The following SGCZ variants were observed in gnomAD, a reference collection of about 807,000 sequenced individuals.
SGCZ encodes the protein zeta-sarcoglycan.
A neutral mutation model predicts 41.3 loss-of-function variants in SGCZ; 40 were observed. That is an observed-to-expected ratio of 0.97 (90% CI 0.75 to 1.26). The LOEUF is 1.26. Ranked by LOEUF, SGCZ falls within the 50% of genes most tolerant of loss-of-function variation. The pLI is 0.00. For synonymous variants in SGCZ, 206 were observed against 137.5 expected, an observed-to-expected ratio of 1.50 and a Z score of -3.49; for missense variants, 552 against 369.8, an observed-to-expected ratio of 1.49 and a Z score of -4.04.
chr8:14,821,504 A>G (rs1409939471), intron 1 of SGCZ, among the ~76,000 whole-genome samples: 1 of 152,096 alleles, frequency 6.6e-6, no homozygotes, highest in Non-Finnish European at 1.5e-5. Flanking sequence ...ATGAATAAGG[A>G]AATTAAAAAA....
At chr8:14,456,531 T>C (rs1009102660) in intron 2 of SGCZ, among the ~76,000 whole-genome samples, 1 of 152,126 alleles carries the variant, frequency 6.6e-6, no homozygotes, top group Admixed American at 6.6e-5. Flanking sequence ...AAAACATGCA[T>C]GTATCTGATC....
At chr8:14,901,596 T>C (rs956917084) in intron 1 of SGCZ, among the ~76,000 whole-genome samples, 3 of 152,116 alleles carry the variant, frequency 2.0e-5, no homozygotes, top group Non-Finnish European at 2.9e-5. Context: ...TCACACATTT[T>C]GGGGTGAAAA....
chr8:14,506,346 G>A (rs1259979966), intron 2 of SGCZ, among the ~76,000 whole-genome samples: 1 of 151,958 alleles, frequency 6.6e-6, no homozygotes, highest in Non-Finnish European at 1.5e-5. Context: ...TTGTACATTA[G>A]CTCCCGTTTC....
chr8:14,740,688 G>T (rs1037418373), intron 1 of SGCZ, among the ~76,000 whole-genome samples: 1 of 151,964 alleles, frequency 6.6e-6, no homozygotes, highest in African/African-American at 2.4e-5. Context: ...GATTGCTGGA[G>T]TGCTTATGCC....
At chr8:14,103,601 A>G (rs540756570) in intron 6 of SGCZ, among the ~76,000 whole-genome samples, 288 of 152,156 alleles carry the variant, frequency 1.9e-3, no homozygotes, top group African/African-American at 6.7e-3. Context: ...TAAAAGTGAT[A>G]TGGAAGGAGT....
intron 1 of SGCZ, among the ~76,000 whole-genome samples, chr8:15,159,289 G>A (rs1429934556): frequency 2.0e-5 from 3 of 152,166 alleles, no homozygotes; most frequent in Non-Finnish European, 4.4e-5. Flanking sequence ...TGCCTTAGGT[G>A]ACTCTTCACA....
In SGCZ at chr8:14,648,341, C is replaced by A. The variant is rs537516039; in HGVS notation, c.40-93415G>T. 7.9e-5 allele frequency among the ~76,000 whole-genome samples: 12 copies of A among 152,142 alleles called. No homozygotes were observed. In the South Asian group the frequency reaches 2.5e-3, roughly 31 times the overall value. ...TAGCTTTGTATAAGAAACATGCTTT[C>A]TTCAAATCAAGAAAATTCGTACTCA... is the stretch of plus-strand genomic sequence containing the variant. On this transcript the variant is annotated intron_variant, in intron 1 of 7. Coordinates refer to ENST00000382080, the MANE Select transcript of SGCZ (RefSeq NM_139167.4).
intron 1 of SGCZ, among the ~76,000 whole-genome samples, chr8:14,830,378 T>A (rs7013782): frequency 0.34 from 52,272 of 152,014 alleles, 13,060 homozygotes; most frequent in African/African-American, 0.7. Flanking sequence ...TATCTGTCAA[T>A]ATGTTTTTTA....
intron 1 of SGCZ, among the ~76,000 whole-genome samples, chr8:14,860,721 A>AGAAAGAAAGAAC (rs1239601650): frequency 2.7e-5 from 4 of 146,392 alleles, no homozygotes; most frequent in Non-Finnish European, 6.1e-5. Context: ...AAAGAAAGAA[A>AGAAAGAAAGAAC]GAAAGAAAGA....
intron 7 of SGCZ, among the ~76,000 whole-genome samples, chr8:14,094,297 C>G (rs554909742): frequency 1.3e-5 from 2 of 151,974 alleles, no homozygotes; most frequent in African/African-American, 2.4e-5. Flanking sequence ...CCCTAGCCCC[C>G]CCATGCCAGA....
At chr8:14,286,999 T>G (rs1800658570) in intron 3 of SGCZ, among the ~76,000 whole-genome samples, 1 of 152,036 alleles carries the variant, frequency 6.6e-6, no homozygotes, top group Non-Finnish European at 1.5e-5. Flanking sequence ...CTTGTGCATA[T>G]TAGCCATGTT....
chr8:14,090,785 T>C, intron 7 of SGCZ, 148 bp from the exon 8 acceptor site: 1 of 691,484 alleles, frequency 1.4e-6, no homozygotes. Flanking sequence ...ACAAACAAAT[T>C]ACATTCCTAC....
intron 2 of SGCZ, among the ~76,000 whole-genome samples, chr8:14,505,012 T>C (rs947643476): frequency 6.6e-6 from 1 of 152,058 alleles, no homozygotes; most frequent in Non-Finnish European, 1.5e-5. Flanking sequence ...TTGATACTCC[T>C]AGATATAAAA....
intron 1 of SGCZ, among the ~76,000 whole-genome samples, chr8:15,099,736 T>C (rs1806530015): frequency 1.3e-5 from 2 of 152,154 alleles, no homozygotes; most frequent in South Asian, 4.1e-4. Context: ...CAACAATGTA[T>C]AAAAATGTTG....
chr8:14,498,158 T>C (rs537661061), intron 2 of SGCZ, among the ~76,000 whole-genome samples: 1 of 152,332 alleles, frequency 6.6e-6, no homozygotes, highest in South Asian at 2.1e-4. Flanking sequence ...ATCACTTTTC[T>C]CTATCTAGGC....
In SGCZ at chr8:14,300,444, G is replaced by T. The variant is rs1463010723; in HGVS notation, c.336+23659C>A. 2.0e-5 allele frequency among the ~76,000 whole-genome samples: 3 copies of T among 151,774 alleles called. No homozygotes were observed. In the East Asian group the frequency reaches 5.8e-4, roughly 29 times the overall value. ...AGGTAAATAAAGCTTGGGTTCTGAA[G>T]TCAATACAGTATAGTTCATATTCCC... On this transcript the variant is annotated intron_variant, in intron 3 of 7. Transcript: ENST00000382080.
intron 1 of SGCZ, among the ~76,000 whole-genome samples, chr8:15,171,731 G>C (rs537070068): frequency 2.0e-5 from 3 of 152,284 alleles, no homozygotes; most frequent in Admixed American, 6.5e-5. Context: ...TATCAAGCCT[G>C]TTGTAGATGA....
At chr8:14,483,518 C>T (rs1168051999) in intron 2 of SGCZ, among the ~76,000 whole-genome samples, 10 of 152,258 alleles carry the variant, frequency 6.6e-5, no homozygotes, top group Non-Finnish European at 8.8e-5. Context: ...CTATAGTGAA[C>T]TGTGATTGCA....
chr8:14,188,924 C>A (rs1360545456), intron 4 of SGCZ, among the ~76,000 whole-genome samples: 2 of 150,648 alleles, frequency 1.3e-5, no homozygotes, highest in African/African-American at 2.4e-5. Context: ...CTCCATCACC[C>A]GGGTTCGAGC....
Sources: allele counts gnomAD v4.1 joint callset (sites outside exome capture counted in the v4.1 genomes callset), GRCh38; gene constraint gnomAD v4.1.1; transcripts MANE v1.5; gene names NCBI Gene and HGNC (gene_info 2026-07-23, HGNC 2026-07-21).